The following UNC79 variants were observed in gnomAD, a reference collection of about 807,000 sequenced individuals.
UNC79 encodes the protein unc-79 subunit of NALCN channel complex, also known as protein unc-79 homolog.
UNC79 carries 37 observed loss-of-function variants against 283.1 expected under a neutral mutation model. The observed-to-expected ratio is 0.13, with a 90% CI of 0.10 to 0.17. The LOEUF is 0.17. UNC79 is among the 10% of genes least tolerant of loss of function. The pLI, the probability that UNC79 is intolerant of heterozygous loss-of-function variation, is 1.00. For missense variants in UNC79, 2,272 were observed against 3,211.1 expected (o/e 0.71, Z 7.07); for synonymous variants, 1,107 against 1,200.2 (o/e 0.92, Z 1.61).
At chr14:93,461,978 A>AAGAC (rs1414538806) in intron 1 of UNC79, among the ~76,000 whole-genome samples, 1 of 151,060 alleles carries the variant, frequency 6.6e-6, no homozygotes, top group East Asian at 1.9e-4. Flanking sequence ...AAAAAAAAGA[A>AAGAC]AGAAAAGAAA....
chr14:93,528,765 A>G (rs1466217867), intron 9 of UNC79, 119 bp downstream of exon 9: 2 of 944,976 alleles, frequency 2.1e-6, no homozygotes, highest in Non-Finnish European at 3.2e-6. Context: ...CTGATTTTTA[A>G]AGGTTAATTA....
upstream of UNC79, among the ~76,000 whole-genome samples, chr14:93,427,343 A>G (rs1041758131): frequency 5.3e-5 from 8 of 152,326 alleles, no homozygotes; most frequent in South Asian, 1.0e-3. Flanking sequence ...TTTAATAAAC[A>G]TAATTAAACC....
At chr14:93,413,325 T>C (rs1300947869) in intron 1 of UNC79, among the ~76,000 whole-genome samples, 1 of 152,020 alleles carries the variant, frequency 6.6e-6, no homozygotes, top group East Asian at 1.9e-4. Flanking sequence ...TGATTTCCAA[T>C]TTCATCCATG....
chr14:93,373,245 AG>A (rs2054490377), intron 1 of UNC79, among the ~76,000 whole-genome samples: 1 of 152,218 alleles, frequency 6.6e-6, no homozygotes, highest in Admixed American at 6.5e-5. Context: ...TTAGAAAACT[AG>A]AAGAGCAAAT....
At chr14:93,703,216 G>T (rs1483246684) in intron 47 of UNC79, among the ~76,000 whole-genome samples, 1 of 152,116 alleles carries the variant, frequency 6.6e-6, no homozygotes, top group Non-Finnish European at 1.5e-5. Context: ...TTCCTGGAAT[G>T]CCCTTGTTCT....
rs1166409864 is a variant in UNC79 at position 93,618,589 on chromosome 14, A to G, written c.4387+235A>G. ...TGTATCATAAGAAATAATATTTTGT[A>G]AGATATTTTCTGCTGTTTGAATCAG... On this transcript the variant is annotated intron_variant, in intron 29 of 48. Transcript: ENST00000555664. 3.9e-5 allele frequency among the ~76,000 whole-genome samples: 6 copies of G among 152,318 alleles called. No homozygotes were observed. The East Asian group carries it at 1.2e-3, about 29-fold the overall frequency.
At chr14:93,637,352 G>A (rs2063906328) in intron 32 of UNC79, 53 bp downstream of exon 35, 12 of 1,601,222 alleles carry the variant, frequency 7.5e-6, no homozygotes, top group South Asian at 1.1e-5. Context: ...GACTGGACAT[G>A]TCCATCATTT....
intron 10 of UNC79, among the ~76,000 whole-genome samples, chr14:93,532,303 CAAAAAAAA>C (rs5810632): frequency 2.4e-5 from 3 of 127,596 alleles, no homozygotes; most frequent in Non-Finnish European, 4.9e-5. Context: ...CCCATGTCTA[CAAAAAAAA>C]AAAAAAAAAA....
At chr14:93,353,880 T>C (rs1387919499) in intron 1 of UNC79, among the ~76,000 whole-genome samples, 1 of 152,044 alleles carries the variant, frequency 6.6e-6, no homozygotes, top group Non-Finnish European at 1.5e-5. Context: ...TAACCTTAAA[T>C]ACAAAGACAA....
At chr14:93,679,769 T>C (rs773413150) in intron 41 of UNC79, among the ~76,000 whole-genome samples, 6 of 152,220 alleles carry the variant, frequency 3.9e-5, no homozygotes, top group African/African-American at 9.6e-5. Context: ...ATAATAGATA[T>C]CATGTTTCTT....
intron 47 of UNC79, among the ~76,000 whole-genome samples, chr14:93,696,484 A>C (rs1336624060): frequency 1.3e-5 from 2 of 152,246 alleles, no homozygotes; most frequent in Non-Finnish European, 2.9e-5. Context: ...AACACTTGGC[A>C]TAGTCAATCT....
rs2060880315 is a variant in UNC79, at chr14:93,532,598, G to A, written c.1122+20G>A. On this transcript the variant is annotated intron_variant, in intron 11 of 48. Coordinates refer to ENST00000555664, the Ensembl canonical transcript of UNC79. ...AAAAAGGTAAGAGCAAACCATTTGTGTCGTTGGGGCATGATTTATTGTGTT... is the reference window on the plus strand; with the variant it reads ...AAAAAGGTAAGAGCAAACCATTTGTATCGTTGGGGCATGATTTATTGTGTT... 2 of 1,609,698 alleles carry A rather than the reference G, an allele frequency of 1.2e-6. No homozygotes were observed. Among genetic ancestry groups the A allele is most frequent in the Non-Finnish European group, 1.7e-6 (2 of 1,177,672 alleles).
chr14:93,351,299 TTG>T (rs2053976396), intron 1 of UNC79, among the ~76,000 whole-genome samples: 1 of 152,170 alleles, frequency 6.6e-6, no homozygotes, highest in Non-Finnish European at 1.5e-5. Flanking sequence ...TCATATAACT[TTG>T]TGTATTGCTT....
At chr14:93,336,305 ATGCT>A (rs775533912) in intron 1 of UNC79, among the ~76,000 whole-genome samples, 5 of 152,314 alleles carry the variant, frequency 3.3e-5, no homozygotes, top group Admixed American at 6.5e-5. Context: ...TACCTTGTAG[ATGCT>A]TAATTAAGAA....
chr14:93,466,956 TG>T (rs2057212148), intron 1 of UNC79: 1 of 974,144 alleles, frequency 1.0e-6, no homozygotes, highest in African/African-American at 1.8e-5. Context: ...TGAGAAGATC[TG>T]GGCAGCCAAG....
At chr14:93,673,249 T>G (rs1380420119) in intron 40 of UNC79, 102 bp from the exon 44 acceptor site, 5 of 1,005,026 alleles carry the variant, frequency 5.0e-6, no homozygotes, top group Non-Finnish European at 7.3e-6. Flanking sequence ...GAATACTGTT[T>G]TTTATTTCTG....
intron 22 of UNC79, among the ~76,000 whole-genome samples, chr14:93,593,327 A>T (rs1042998588): frequency 6.6e-6 from 1 of 152,202 alleles, no homozygotes; most frequent in Non-Finnish European, 1.5e-5. Context: ...CCAGATGCTC[A>T]CTGTAAGAAA....
At chr14:93,623,339 A>C (rs2067286149) in intron 30 of UNC79, among the ~76,000 whole-genome samples, 1 of 152,222 alleles carries the variant, frequency 6.6e-6, no homozygotes, top group Admixed American at 6.5e-5. Flanking sequence ...TGTAGATACT[A>C]ACCAAATATC....
chr14:93,372,961 T>C (rs1294530011), intron 1 of UNC79, among the ~76,000 whole-genome samples: 16 of 152,228 alleles, frequency 1.1e-4, no homozygotes, highest in Non-Finnish European at 1.5e-5. Context: ...AATCATACAA[T>C]GTTTGCTCTC....
Sources: gnomAD v4.1 joint callset for allele counts (sites outside exome capture counted in the v4.1 genomes callset) on GRCh38, gnomAD v4.1.1 for gene constraint, MANE v1.5 for transcripts, NCBI Gene and HGNC (gene_info 2026-07-23, HGNC 2026-07-21) for gene names.